Variants in PARP8 observed in about 807,000 individuals in gnomAD.
The protein encoded by PARP8 is poly(ADP-ribose) polymerase family member 8, also known as protein mono-ADP-ribosyltransferase PARP8.
In PARP8, 51 loss-of-function variants were observed where a neutral mutation model predicts 124.1. The observed-to-expected ratio is 0.41, with a 90% CI of 0.33 to 0.52. The LOEUF (loss-of-function observed/expected upper bound fraction) is 0.52, where lower values mean the gene tolerates loss of function less well. Ranked by LOEUF, PARP8 falls within the 20% of genes least tolerant of loss-of-function variation. The pLI is 0.21. For missense variants in PARP8, 860 were observed against 1,018.9 expected (o/e 0.84, Z 2.12); for synonymous variants, 391 against 361.5 (o/e 1.08, Z -0.93).
intron 2 of PARP8, chr5:50,739,041 T>C (rs776574017): frequency 1.4e-6 from 1 of 702,576 alleles, no homozygotes; most frequent in East Asian, 2.7e-5. Context: ...ACCAGAGCTG[T>C]CTGCTTCCTC....
At chr5:50,835,036 T>G (rs1422991430) in intron 25 of PARP8, 21 bp downstream of exon 25, 1 of 1,601,064 alleles carries the variant, frequency 6.2e-7, no homozygotes, top group African/African-American at 1.3e-5. Flanking sequence ...ATGCTCAAAT[T>G]TGTATATTAC....
chr5:50,821,098 T>G, intron 15 of PARP8, 115 bp from the exon 16 acceptor site: 2 of 1,196,986 alleles, frequency 1.7e-6, no homozygotes, highest in Non-Finnish European at 2.4e-6. Context: ...ATTTGAGAGA[T>G]TGGTAGCAGT....
At position 50,805,985 on chromosome 5, in the gene PARP8, A is replaced by G. The variant is rs1383142573; in HGVS notation, c.1575+8752A>G. Among the ~76,000 whole-genome samples, 3 of 152,056 alleles carry G rather than the reference A, an allele frequency of 2.0e-5. No individual in the cohort carries two copies. In the East Asian group the frequency reaches 5.8e-4, roughly 29 times the overall value. On this transcript the variant is annotated intron_variant, in intron 14 of 25. Coordinates refer to ENST00000281631, the MANE Select transcript of PARP8 (RefSeq NM_024615.4). ...TTAGATGCTATGTTTTCACTTTGTC[A>G]GTACTCACCTGTTGATATTGATCTA...
chr5:50,783,169 G>C (rs2149621220), intron 9 of PARP8, among the ~76,000 whole-genome samples: 1 of 152,058 alleles, frequency 6.6e-6, no homozygotes, highest in Middle Eastern at 3.4e-3. Flanking sequence ...AAGGGAATAG[G>C]AGGGAAAAGA....
intron 10 of PARP8, among the ~76,000 whole-genome samples, chr5:50,788,899 G>A (rs1241347559): frequency 6.6e-6 from 1 of 152,110 alleles, no homozygotes; most frequent in Non-Finnish European, 1.5e-5. Context: ...ACCAGTGGAG[G>A]CAGGAAGGAG....
chr5:50,832,734 C>T (rs1747123512), intron 22 of PARP8, 47 bp from the exon 23 acceptor site: 1 of 1,574,330 alleles, frequency 6.4e-7, no homozygotes, highest in African/African-American at 1.4e-5. Flanking sequence ...CTTTCAGCTG[C>T]ATCAGACAGC....
intron 18 of PARP8, among the ~76,000 whole-genome samples, chr5:50,826,315 G>A (rs2149709525): frequency 6.6e-6 from 1 of 151,542 alleles, no homozygotes; most frequent in South Asian, 2.1e-4. Context: ...AGCTCAAAGA[G>A]ATCCTCAAAT....
intron 14 of PARP8, among the ~76,000 whole-genome samples, chr5:50,805,543 T>A (rs943754045): frequency 6.6e-6 from 1 of 152,110 alleles, no homozygotes; most frequent in African/African-American, 2.4e-5. Flanking sequence ...AACATTTAAT[T>A]TAATATTTGA....
chr5:50,813,135 C>T (rs1229500439), intron 14 of PARP8, among the ~76,000 whole-genome samples: 2 of 152,150 alleles, frequency 1.3e-5, no homozygotes, highest in African/African-American at 4.8e-5. Context: ...TGAAGAAAGT[C>T]ATTGGTAGCT....
chr5:50,709,979 CACATATATAT>C (rs1754602526), intron 2 of PARP8, among the ~76,000 whole-genome samples: 1 of 138,666 alleles, frequency 7.2e-6, no homozygotes, highest in African/African-American at 2.6e-5. Context: ...TACACACACA[CACATATATAT>C]ACATATATAC....
intron 12 of PARP8, among the ~76,000 whole-genome samples, chr5:50,796,002 A>G (rs1359223630): frequency 3.3e-5 from 5 of 152,178 alleles, no homozygotes; most frequent in African/African-American, 1.2e-4. Context: ...GGACCAGAAG[A>G]TGACTTCAAT....
chr5:50,667,796 C>T, intron 1 of PARP8: 2 of 948,806 alleles, frequency 2.1e-6, no homozygotes, highest in Non-Finnish European at 3.3e-6. Context: ...CTACCGCGAG[C>T]CCGGCTGAGG....
At chr5:50,798,126 G>A (rs1742763856) in intron 14 of PARP8, among the ~76,000 whole-genome samples, 1 of 152,074 alleles carries the variant, frequency 6.6e-6, no homozygotes, top group African/African-American at 2.4e-5. Flanking sequence ...CATCCATATA[G>A]CATATGTCAG....
At chr5:50,685,987 G>A (rs1751816445) in intron 2 of PARP8, among the ~76,000 whole-genome samples, 1 of 152,004 alleles carries the variant, frequency 6.6e-6, no homozygotes, top group African/African-American at 2.4e-5. Context: ...TTCTGCCCTG[G>A]GCCCCTCCCA....
intron 5 of PARP8, among the ~76,000 whole-genome samples, chr5:50,760,776 T>C (rs1760469287): frequency 6.6e-6 from 1 of 152,146 alleles, no homozygotes; most frequent in South Asian, 2.1e-4. Flanking sequence ...TCTTATTTTC[T>C]GTCAGTATTT....
chr5:50,770,658 GAAAGAAAGA>G (rs889082460), intron 7 of PARP8, among the ~76,000 whole-genome samples: 13 of 150,534 alleles, frequency 8.6e-5, no homozygotes, highest in African/African-American at 3.2e-4. Context: ...GGAGAAAGAG[GAAAGAAAGA>G]AAAGAAAGAA....
chr5:50,728,051 C>T (rs1756608680), intron 2 of PARP8, among the ~76,000 whole-genome samples: 1 of 152,148 alleles, frequency 6.6e-6, no homozygotes, highest in African/African-American at 2.4e-5. Context: ...TGAGTTCCAA[C>T]TACTAATGAT....
At chr5:50,712,532 C>G (rs1193915936) in intron 2 of PARP8, among the ~76,000 whole-genome samples, 1 of 152,094 alleles carries the variant, frequency 6.6e-6, no homozygotes, top group Non-Finnish European at 1.5e-5. Flanking sequence ...CTTGGCAAAA[C>G]AGTTGACCAG....
At chr5:50,715,980 T>C (rs1180646981) in intron 2 of PARP8, among the ~76,000 whole-genome samples, 5 of 152,134 alleles carry the variant, frequency 3.3e-5, no homozygotes, top group Non-Finnish European at 5.9e-5. Flanking sequence ...TAACTCCCAC[T>C]TGGACAAAAG....
Sources: allele counts gnomAD v4.1 joint callset (sites outside exome capture counted in the v4.1 genomes callset), GRCh38; gene constraint gnomAD v4.1.1; transcripts MANE v1.5; gene names NCBI Gene and HGNC (gene_info 2026-07-23, HGNC 2026-07-21).